Variants in NFASC observed in about 807,000 individuals in gnomAD.
NFASC encodes the protein neurofascin.
Under a neutral mutation model 147.5 loss-of-function variants are expected in NFASC, and 43 were observed. That is an observed-to-expected ratio of 0.29 (90% confidence interval 0.23 to 0.38). The LOEUF (loss-of-function observed/expected upper bound fraction) is 0.38, where lower values mean the gene tolerates loss of function less well. NFASC is among the 10% of genes least tolerant of loss of function. The pLI is 1.00. For missense variants in NFASC, 1,320 were observed against 1,689.0 expected (o/e 0.78, Z 3.83); for synonymous variants, 622 against 665.5 (o/e 0.93, Z 1.01).
chr1:205,016,109 C>T lies in NFASC; in HGVS notation c.3492-199C>T, dbSNP rs1182345276. 2.0e-5 allele frequency among the ~76,000 whole-genome samples: 3 copies of T among 152,238 alleles called. No individual in the cohort carries two copies. The highest frequency in any genetic ancestry group is 4.4e-5 in the Non-Finnish European group (3 of 68,042). On this transcript the variant is annotated intron_variant, in intron 29 of 29. Coordinates refer to ENST00000339876, the MANE Select transcript of NFASC (RefSeq NM_001005388.3). The surrounding 1 kb of genome is among the most constrained non-coding windows in gnomAD (Gnocchi z 5.1). ...CCTGCCCTGCCCTGACCTGCAACCT[C>T]ACCTTAGAGAAGGTGCTTGTCCTCT...
At chr1:205,009,202 A>T in intron 27 of NFASC, 1 of 385,574 alleles carries the variant, frequency 2.6e-6, no homozygotes, top group South Asian at 2.2e-5. Flanking sequence ...TCCATGGCCA[A>T]TCCGTGGCCA....
intron 1 of NFASC, among the ~76,000 whole-genome samples, chr1:204,899,323 G>A (rs773482974): frequency 2.6e-5 from 4 of 152,178 alleles, no homozygotes; most frequent in Admixed American, 6.5e-5. Flanking sequence ...TCATTAAGTT[G>A]GTTTTCTCTG....
intron 24 of NFASC, among the ~76,000 whole-genome samples, chr1:204,996,867 C>T (rs2095855492): frequency 6.6e-6 from 1 of 152,170 alleles, no homozygotes; most frequent in African/African-American, 2.4e-5. Context: ...CTGAGCGATT[C>T]AGCCCGTGCC....
At chr1:205,013,365 T>C (rs557182797) in intron 29 of NFASC, among the ~76,000 whole-genome samples, 128 of 152,110 alleles carry the variant, frequency 8.4e-4, no homozygotes, top group Non-Finnish European at 1.5e-3. Flanking sequence ...AGGTCGTTTC[T>C]CCTTGAACTT....
chr1:204,982,856 T>TG (rs142022534), intron 21 of NFASC, among the ~76,000 whole-genome samples: 3,865 of 151,866 alleles, frequency 0.025, 92 homozygotes, highest in Middle Eastern at 0.092. Flanking sequence ...CAGTCTTGAG[T>TG]GGGGGAACTT....
chr1:204,919,187 G>A (rs999326563), intron 1 of NFASC, among the ~76,000 whole-genome samples: 2 of 152,136 alleles, frequency 1.3e-5, no homozygotes, highest in South Asian at 4.2e-4. Context: ...ACAACGCCTG[G>A]CTAATTTTTT....
At chr1:204,948,921 CT>C (rs1270804471) in intron 3 of NFASC, among the ~76,000 whole-genome samples, 2 of 152,224 alleles carry the variant, frequency 1.3e-5, no homozygotes, top group Non-Finnish European at 2.9e-5. Context: ...AGAATGGCCC[CT>C]TCTCCCCACC....
At chr1:204,881,016 C>A (rs2080096932) in intron 1 of NFASC, among the ~76,000 whole-genome samples, 1 of 152,214 alleles carries the variant, frequency 6.6e-6, no homozygotes, top group Admixed American at 6.5e-5. Flanking sequence ...CCTGCCCTCC[C>A]TCCTGGGACT....
At chr1:204,876,100 T>G (rs1229436226) in intron 1 of NFASC, among the ~76,000 whole-genome samples, 1 of 152,198 alleles carries the variant, frequency 6.6e-6, no homozygotes, top group Non-Finnish European at 1.5e-5. Flanking sequence ...TCTTAGAGAT[T>G]TTTTGTTTGT....
intron 1 of NFASC, among the ~76,000 whole-genome samples, chr1:204,907,783 G>A (rs1242285660): frequency 6.6e-6 from 1 of 152,210 alleles, no homozygotes; most frequent in East Asian, 1.9e-4. Flanking sequence ...AGCAAAAGAA[G>A]TTATCAAGGA....
chr1:204,995,659 G>A (rs2095832319), intron 24 of NFASC, among the ~76,000 whole-genome samples: 1 of 152,076 alleles, frequency 6.6e-6, no homozygotes, highest in South Asian at 2.1e-4. Flanking sequence ...TAGTACCTCT[G>A]ATCTTATTAG....
At chr1:204,935,477 T>C (rs2092740899) in intron 2 of NFASC, among the ~76,000 whole-genome samples, 1 of 152,152 alleles carries the variant, frequency 6.6e-6, no homozygotes, top group Non-Finnish European at 1.5e-5. Flanking sequence ...TCTTATGTGA[T>C]TGGTTTGGGA....
At position 204,997,402 on chromosome 1, in the gene NFASC, A is replaced by G. The variant is rs1384581981; in HGVS notation, c.3015A>G (p.Glu1005=). The stretch of plus-strand genomic sequence containing the variant: ...CCACCTCCGGGACTAAGATACACGA[A>G]TCCGGTACTGCGCATCGCCCATGCT... ...PTTTSGTKIH[E]SAPDEQSIWN... is the part of the protein sequence containing the mutation. Residue 1005 remains glutamate, a synonymous_variant, in exon 25 of 30, where the codon GAA becomes GAG. Transcript: ENST00000339876. 3 of 1,551,856 alleles carry G rather than the reference A, an allele frequency of 1.9e-6. No individual in the cohort carries two copies. Among genetic ancestry groups the G allele is most frequent in the South Asian group, 2.4e-5 (2 of 84,072 alleles).
intron 2 of NFASC, among the ~76,000 whole-genome samples, chr1:204,929,038 T>G (rs1239404229): frequency 6.6e-6 from 1 of 152,180 alleles, no homozygotes; most frequent in Non-Finnish European, 1.5e-5. Context: ...ACCTATAGAT[T>G]AGTTCCGAGT....
chr1:204,970,823 C>A, intron 11 of NFASC, 76 bp downstream of exon 11: 1 of 1,571,874 alleles, frequency 6.4e-7, no homozygotes, highest in Non-Finnish European at 8.7e-7. Context: ...TCACTGTAGC[C>A]AGTGCTGGTC....
chr1:204,933,067 C>A (rs567176822), intron 2 of NFASC, among the ~76,000 whole-genome samples: 8 of 152,018 alleles, frequency 5.3e-5, no homozygotes, highest in Admixed American at 1.3e-4. Context: ...CCTGCAGGAG[C>A]CTGATCTCCA....
chr1:204,968,807 A>G lies in NFASC; in HGVS notation c.828A>G (p.Pro276=), dbSNP rs746188054. The G allele has an allele frequency of 1.2e-6, 2 of 1,612,940 alleles. No homozygotes were observed. Among genetic ancestry groups the G allele is most frequent in the South Asian group, 2.2e-5 (2 of 90,962 alleles). Residue 276 remains proline (P), a synonymous_variant, in exon 10 of 30, where the codon CCA becomes CCG. Coordinates refer to ENST00000339876, the MANE Select transcript of NFASC (RefSeq NM_001005388.3). The surrounding 1 kb of genome is among the most constrained non-coding windows in gnomAD (Gnocchi z 5.4). ...LECIASGVPT[P]DIAWYKKGGD... Reference sequence around the variant, plus strand: ...TTGGCGCCTCTCCTAGCCCAACACCAGACATCGCATGGTACAAGAAAGGTG... The same window carrying G: ...TTGGCGCCTCTCCTAGCCCAACACCGGACATCGCATGGTACAAGAAAGGTG...
chr1:204,986,108 G>T lies in NFASC; in HGVS notation c.2471-1310G>T, dbSNP rs1184308474. On this transcript the variant is annotated intron_variant, in intron 21 of 29. Coordinates refer to ENST00000339876, the MANE Select transcript of NFASC (RefSeq NM_001005388.3). The surrounding 1 kb of genome is among the most constrained non-coding windows in gnomAD (Gnocchi z 4.2). Reference sequence around the variant, plus strand: ...TGAGACCAAGGAGTTCACCACCCCGGAAGGAGGTAGGTCTGGCCTGCAGCT... The same window carrying T: ...TGAGACCAAGGAGTTCACCACCCCGTAAGGAGGTAGGTCTGGCCTGCAGCT... The T allele has an allele frequency of 1.1e-5, 18 of 1,613,136 alleles. No homozygotes were observed. The highest frequency in any genetic ancestry group is 1.5e-5 in the Non-Finnish European group (18 of 1,179,050).
chr1:204,981,679 G>C, intron 20 of NFASC, 119 bp from the exon 21 acceptor site: 1 of 595,070 alleles, frequency 1.7e-6, no homozygotes, highest in Non-Finnish European at 2.9e-6. Flanking sequence ...CCTGCAAGGG[G>C]GCAGGCCAGT....
Sources: allele counts gnomAD v4.1 joint callset (sites outside exome capture counted in the v4.1 genomes callset), GRCh38; gene constraint gnomAD v4.1.1; non-coding constraint Gnocchi (gnomAD v3.1); transcripts MANE v1.5; gene names NCBI Gene and HGNC (gene_info 2026-07-23, HGNC 2026-07-21).